Variants in KIF13B observed in about 807,000 individuals in gnomAD.
KIF13B encodes the protein kinesin family member 13B.
In KIF13B, 127 loss-of-function variants were observed where a neutral mutation model predicts 222.0. That is an observed-to-expected ratio of 0.57 (90% CI 0.50 to 0.66). The LOEUF is 0.66. Ranked by LOEUF, KIF13B falls within the 30% of genes least tolerant of loss-of-function variation. The pLI, the probability that KIF13B is intolerant of heterozygous loss-of-function variation, is 0.00. For missense variants in KIF13B, 2,173 were observed against 2,379.0 expected (o/e 0.91, Z 1.80); for synonymous variants, 976 against 919.0 (o/e 1.06, Z -1.12).
At chr8:29,220,311 G>T (rs1440321857) in intron 2 of KIF13B, among the ~76,000 whole-genome samples, 2 of 152,134 alleles carry the variant, frequency 1.3e-5, no homozygotes, top group Admixed American at 1.3e-4. Flanking sequence ...GCCTTGCCTG[G>T]TACTCTACGG....
At chr8:29,177,255 G>A (rs1162327318) in intron 9 of KIF13B, among the ~76,000 whole-genome samples, 1 of 151,728 alleles carries the variant, frequency 6.6e-6, no homozygotes, top group African/African-American at 2.4e-5. Flanking sequence ...ACCCAAAACA[G>A]CAATAGGGCC....
At position 29,260,397 on chromosome 8, in the gene KIF13B, C is replaced by T. The variant is rs1344260149; in HGVS notation, c.55+2583G>A. 3.9e-5 allele frequency among the ~76,000 whole-genome samples: 6 copies of T among 152,268 alleles called. No homozygotes were observed. The East Asian group carries it at 5.8e-4, about 15-fold the overall frequency. On this transcript the variant is annotated intron_variant, in intron 1 of 39. Transcript: ENST00000524189. ...CATCACAGTAACCCATTCTCATCCC[C>T]GTCCTCTTTTATAGATAGCGATTTA...
chr8:29,198,833 T>C (rs993529075), intron 2 of KIF13B, among the ~76,000 whole-genome samples: 2 of 152,152 alleles, frequency 1.3e-5, no homozygotes, highest in African/African-American at 4.8e-5. Flanking sequence ...AAACCAAATA[T>C]TGCATGTTCT....
rs757905032 is a variant in KIF13B at position 29,167,483 on chromosome 8, C to G, written c.1048G>C (p.Ala350Pro). 6.2e-7 allele frequency: 1 copy of G among 1,613,968 alleles called. No homozygotes were observed. Among genetic ancestry groups the G allele is most frequent in the Admixed American group, 1.7e-5 (1 of 60,026 alleles). ...ACAGCGTGGTTTACAATGTGCTTGGCTCGATCTGCATACCGCAGAGTTGAG... is the reference window on the plus strand; with the variant it reads ...ACAGCGTGGTTTACAATGTGCTTGGGTCGATCTGCATACCGCAGAGTTGAG... Reference protein sequence around the residue: ...TLSTLRYADRAKHIVNHAVVN... With the variant: ...TLSTLRYADRPKHIVNHAVVN... Residue 350 changes from alanine to proline, a missense_variant, in exon 11 of 40, where the codon GCC becomes CCC. Ala to Pro is a conservative substitution (Grantham distance 27). Transcript: ENST00000524189.
At chr8:29,245,283 G>A (rs1586980188) in intron 2 of KIF13B, 63 bp downstream of exon 2, 2 of 1,100,418 alleles carry the variant, frequency 1.8e-6, no homozygotes, top group Non-Finnish European at 2.7e-6. Context: ...ACTTAATTCA[G>A]CAGCCACAGT....
intron 3 of KIF13B, among the ~76,000 whole-genome samples, chr8:29,191,359 C>T (rs1263320846): frequency 6.6e-6 from 1 of 151,938 alleles, no homozygotes; most frequent in Non-Finnish European, 1.5e-5. Flanking sequence ...AATTAGTGAT[C>T]TGTTTCATGT....
intron 1 of KIF13B, among the ~76,000 whole-genome samples, chr8:29,252,797 T>C (rs1167600120): frequency 6.6e-6 from 1 of 152,198 alleles, no homozygotes; most frequent in African/African-American, 2.4e-5. Flanking sequence ...TACTACTTTG[T>C]TCTATTTATA....
Position 29,148,783 on chromosome 8 carries a change from A to C in KIF13B, c.1623-16T>G. On this transcript the variant is annotated splice_polypyrimidine_tract_variant and intron_variant, in intron 15 of 39. Transcript: ENST00000524189. ...CAAATTGAGTCTTGGTGGGAAAAAG[A>C]GTATTATTTTCTGAAGTTAAGATAG... 1 of 1,572,808 alleles carries C rather than the reference A, an allele frequency of 6.4e-7. No homozygotes were observed. The highest frequency in any genetic ancestry group is 8.6e-7 in the Non-Finnish European group (1 of 1,159,208).
chr8:29,186,269 A>T, intron 6 of KIF13B, 23 bp downstream of exon 6: 1 of 1,579,934 alleles, frequency 6.3e-7, no homozygotes, highest in South Asian at 1.2e-5. Context: ...ATGCTGAAAC[A>T]CTAAAGTCTC....
chr8:29,084,724 GA>G (rs1489545127), intron 37 of KIF13B, among the ~76,000 whole-genome samples: 1 of 152,062 alleles, frequency 6.6e-6, no homozygotes. Context: ...CTAGATACAT[GA>G]AAAAAAGCTA....
intron 30 of KIF13B, among the ~76,000 whole-genome samples, 152 bp from the exon 31 acceptor site, chr8:29,117,159 G>A (rs1809642894): frequency 6.6e-6 from 1 of 152,234 alleles, no homozygotes; most frequent in African/African-American, 2.4e-5. Context: ...ACAATGGAGT[G>A]TGACAGTGTG....
rs559709510 is a variant in KIF13B at position 29,107,718 on chromosome 8, G to A, written c.4215+421C>T. ...TGGGACTACAGGTGCCCGCCACCTC[G>A]CCTGACTAGTTTTTTGTATTTTTAG... On this transcript the variant is annotated intron_variant, in intron 35 of 39. Transcript: ENST00000524189. Among the ~76,000 whole-genome samples, 4 of 151,862 alleles carry A rather than the reference G, an allele frequency of 2.6e-5. No homozygotes were observed. The East Asian group carries it at 5.9e-4, about 22-fold the overall frequency.
chr8:29,140,173 C>T lies in KIF13B; in HGVS notation c.2503G>A (p.Val835Met), dbSNP rs112481059. ...TCACCACTGAGTCGCATCACCTCCA[C>T]GTGCAGCCGACCTGCCACCTGCAGC... The part of the protein sequence containing the change: ...QKGEVAGRLH[V>M]EVMRLSGDVG... The change falls in exon 21 of 40, where the codon GTG (valine) becomes ATG (methionine). Residue 835 changes from valine to methionine, a missense_variant. By Grantham distance (21) the Val-to-Met change is conservative (BLOSUM62 1). This residue lies in a region of KIF13B where 1,480 missense variants were observed against 1,722.8 expected (regional missense o/e 0.86). Coordinates refer to ENST00000524189, the MANE Select transcript of KIF13B (RefSeq NM_015254.4). The T allele has an allele frequency of 1.6e-5, 26 of 1,613,724 alleles. No individual in the cohort carries two copies. The highest frequency in any genetic ancestry group is 1.2e-4 in the African/African-American group (9 of 75,044).
intron 14 of KIF13B, among the ~76,000 whole-genome samples, chr8:29,151,959 C>G (rs778536635): frequency 6.6e-6 from 1 of 152,178 alleles, no homozygotes; most frequent in Non-Finnish European, 1.5e-5. Context: ...ATTCGCCATT[C>G]TAAGATGCCA....
intron 35 of KIF13B, among the ~76,000 whole-genome samples, chr8:29,106,475 T>C (rs1809071487): frequency 6.6e-6 from 1 of 150,806 alleles, no homozygotes; most frequent in African/African-American, 2.4e-5. Flanking sequence ...CTACTAAAAA[T>C]ACAAAAGTTA....
intron 2 of KIF13B, among the ~76,000 whole-genome samples, chr8:29,197,094 T>G (rs947360454): frequency 6.6e-6 from 1 of 151,776 alleles, no homozygotes; most frequent in African/African-American, 2.4e-5. Flanking sequence ...TCCCAGCACT[T>G]TGGGAGGCCG....
intron 21 of KIF13B, chr8:29,138,698 G>A (rs1407344044): frequency 1.3e-5 from 2 of 152,086 alleles, no homozygotes; most frequent in Non-Finnish European, 2.9e-5. Flanking sequence ...AACATACTAA[G>A]TAACACCAAT....
chr8:29,174,887 G>C (rs1025603152), intron 10 of KIF13B, among the ~76,000 whole-genome samples: 3 of 152,152 alleles, frequency 2.0e-5, no homozygotes, highest in Non-Finnish European at 2.9e-5. Flanking sequence ...TTGAGAGGAG[G>C]AGGAAACCAG....
intron 37 of KIF13B, among the ~76,000 whole-genome samples, chr8:29,088,491 T>C (rs1458700164): frequency 2.0e-5 from 3 of 152,168 alleles, no homozygotes; most frequent in African/African-American, 7.2e-5. Context: ...CAAAGACTGG[T>C]TGATTATCTT....
Sources: allele counts gnomAD v4.1 joint callset (sites outside exome capture counted in the v4.1 genomes callset), GRCh38; gene constraint gnomAD v4.1.1; regional missense constraint gnomAD v4.1.1; transcripts MANE v1.5; gene names NCBI Gene and HGNC (gene_info 2026-07-23, HGNC 2026-07-21).